ZNF83: variants seen among roughly 807,000 people sequenced by gnomAD.
ZNF83 encodes zinc finger protein 816B.
For missense variants in ZNF83, 552 were observed against 629.9 expected (o/e 0.88, Z 1.32); for synonymous variants, 209 against 213.0 (o/e 0.98, Z 0.17).
chr19:52,689,830 A>G (rs2062115471), intron 1 of ZNF83, among the ~76,000 whole-genome samples: 2 of 152,084 alleles, frequency 1.3e-5, no homozygotes, highest in Admixed American at 1.3e-4. Context: ...GGAGGAGCTT[A>G]TTTTCCAGGG....
At chr19:52,626,754 T>A (rs2060752475) in intron 2 of ZNF83, among the ~76,000 whole-genome samples, 1 of 152,096 alleles carries the variant, frequency 6.6e-6, no homozygotes, top group African/African-American at 2.4e-5. Context: ...CCTTAAGGTG[T>A]CCACGCAGCT....
intron 1 of ZNF83, among the ~76,000 whole-genome samples, chr19:52,668,091 CCTTCT>C (rs1180430330): frequency 6.6e-6 from 1 of 152,182 alleles, no homozygotes; most frequent in Non-Finnish European, 1.5e-5. Flanking sequence ...TTATCCTCCA[CCTTCT>C]CTTCCTTTAA....
chr19:52,647,203 C>A (rs2061383308), intron 3 of ZNF83, among the ~76,000 whole-genome samples: 1 of 152,160 alleles, frequency 6.6e-6, no homozygotes, highest in Non-Finnish European at 1.5e-5. Flanking sequence ...AAATCACTAT[C>A]CTGTGGCTGA....
rs935019223 is a variant in ZNF83, at chr19:52,655,598, G to A, written c.-111C>T. On this transcript the variant is annotated 5_prime_UTR_variant, in exon 3 of 6. Transcript: ENST00000594682. Reference sequence around the variant, plus strand: ...GGTTCCTGTAGTTCTCCAACATCACGGCCCTGTATAAAGCCCTCTGTGCAG... The same window carrying A: ...GGTTCCTGTAGTTCTCCAACATCACAGCCCTGTATAAAGCCCTCTGTGCAG... 6.0e-5 allele frequency: 90 copies of A among 1,503,620 alleles called. 4 individuals carry two copies. Among genetic ancestry groups the A allele is most frequent in the East Asian group, 2.9e-4 (13 of 44,250 alleles). 93.1% of individuals were successfully genotyped at this position (1,503,620 alleles called of 1,614,324 possible).
intron 1 of ZNF83, among the ~76,000 whole-genome samples, chr19:52,686,254 C>A (rs939670590): frequency 6.6e-6 from 1 of 151,656 alleles, no homozygotes; most frequent in Non-Finnish European, 1.5e-5. Context: ...AATTTCAAAC[C>A]GAAACTATTT....
intron 1 of ZNF83, among the ~76,000 whole-genome samples, chr19:52,677,183 AAAAC>A (rs2061828511): frequency 6.6e-6 from 1 of 151,870 alleles, no homozygotes; most frequent in South Asian, 2.1e-4. Context: ...CAAAAAAACA[AAAAC>A]AAAAACAAAA....
chr19:52,642,129 T>G (rs973630702), upstream of ZNF83, among the ~76,000 whole-genome samples: 1 of 152,100 alleles, frequency 6.6e-6, no homozygotes, highest in Admixed American at 6.6e-5. Context: ...TTGACTCAGG[T>G]GTACAGAGGG....
chr19:52,655,076 G>C (rs2061488444), intron 3 of ZNF83: 1 of 153,484 alleles, frequency 6.5e-6, no homozygotes. Flanking sequence ...ATTCCAGTTA[G>C]GTTGGGAGGC....
chr19:52,620,270 C>CTCTGTGTGTGTGTGTGTGTG (rs1555780636), intron 2 of ZNF83, among the ~76,000 whole-genome samples: 2 of 144,432 alleles, frequency 1.4e-5, no homozygotes, highest in African/African-American at 2.6e-5. Flanking sequence ...GTGTATATCT[C>CTCTGTGTGTGTGTGTGTGTG]TGTGTGTGTG....
chr19:52,675,787 T>C (rs902263411), intron 1 of ZNF83, among the ~76,000 whole-genome samples: 2 of 152,170 alleles, frequency 1.3e-5, no homozygotes, highest in Non-Finnish European at 2.9e-5. Context: ...ATAATTCCAC[T>C]AGGATAGACC....
At chr19:52,626,414 T>C (rs1347245767) in intron 2 of ZNF83, among the ~76,000 whole-genome samples, 4 of 152,218 alleles carry the variant, frequency 2.6e-5, no homozygotes, top group African/African-American at 9.6e-5. Flanking sequence ...TAAATCAGTC[T>C]GGCCTGGTAT....
chr19:52,676,314 C>G (rs1008877427), intron 1 of ZNF83, among the ~76,000 whole-genome samples: 166 of 152,220 alleles, frequency 1.1e-3, no homozygotes, highest in African/African-American at 3.2e-3. Flanking sequence ...GTGCAGTGGC[C>G]TGATCTCGGC....
intron 2 of ZNF83, chr19:52,618,562 A>G (rs2060405626): frequency 4.6e-6 from 1 of 216,030 alleles, no homozygotes. Flanking sequence ...GCGCCTGGCC[A>G]ATTTTTGTAT....
chr19:52,615,785 G>A (rs1349071131), intron 2 of ZNF83, among the ~76,000 whole-genome samples: 1 of 152,188 alleles, frequency 6.6e-6, no homozygotes, highest in East Asian at 1.9e-4. Flanking sequence ...GTTAAGACAT[G>A]AAAAGTTAGA....
intron 2 of ZNF83, among the ~76,000 whole-genome samples, chr19:52,620,001 A>T (rs1384812559): frequency 6.6e-6 from 1 of 152,168 alleles, no homozygotes; most frequent in Non-Finnish European, 1.5e-5. Flanking sequence ...GTGAGCTATG[A>T]TTGCACCACT....
rs1222684615 is a variant in ZNF83, at chr19:52,687,610, TA to T, written c.-283+2832del. Among the ~76,000 whole-genome samples the T allele has an allele frequency of 5.3e-4, 16 of 30,016 alleles. No homozygotes were observed. The African/African-American group carries it at 6.2e-3, about 12-fold the overall frequency. The allele number at this position is 30,016 out of a possible 152,430, so 19.7% of individuals were successfully genotyped here. On this transcript the variant is annotated intron_variant, in intron 1 of 5. Transcript: ENST00000594682. ...TATATATATATAATGTATATATATATAATGTGTATATATATATATAATGTAT... is the reference window on the plus strand; with the variant it reads ...TATATATATATAATGTATATATATATATGTGTATATATATATATAATGTAT...
chr19:52,663,005 G>A (rs1356095028), intron 1 of ZNF83, among the ~76,000 whole-genome samples: 4 of 151,838 alleles, frequency 2.6e-5, no homozygotes, highest in Non-Finnish European at 4.4e-5. Flanking sequence ...TCTATGAAAA[G>A]TACAAAAAAT....
chr19:52,681,100 CAT>C (rs2061909668), intron 1 of ZNF83, among the ~76,000 whole-genome samples: 1 of 151,492 alleles, frequency 6.6e-6, no homozygotes, highest in African/African-American at 2.4e-5. Flanking sequence ...GCCTGGCCAA[CAT>C]GGTAAAACCT....
intron 3 of ZNF83, among the ~76,000 whole-genome samples, chr19:52,648,594 T>C (rs909966003): frequency 6.6e-6 from 1 of 152,220 alleles, no homozygotes; most frequent in Admixed American, 6.5e-5. Flanking sequence ...ACCAGCTATG[T>C]AGAATCCAAC....
Sources: allele counts gnomAD v4.1 joint callset (sites outside exome capture counted in the v4.1 genomes callset), GRCh38; gene constraint gnomAD v4.1.1; transcripts MANE v1.5; gene names NCBI Gene and HGNC (gene_info 2026-07-23, HGNC 2026-07-21).